The following ZNF212 variants were observed in gnomAD, a reference collection of about 807,000 sequenced individuals.
ZNF212 encodes zinc finger protein 212.
A neutral mutation model predicts 47.3 loss-of-function variants in ZNF212; 32 were observed. That is an observed-to-expected ratio of 0.68 (90% CI 0.51 to 0.91). The LOEUF (loss-of-function observed/expected upper bound fraction) is 0.91. Ranked by LOEUF, ZNF212 falls within the 40% of genes least tolerant of loss-of-function variation. The pLI is 0.00. For synonymous variants in ZNF212, 242 were observed against 253.8 expected (o/e 0.95, Z 0.44); for missense variants, 555 against 622.8 (o/e 0.89, Z 1.16).
chr7:149,250,658 T>C (rs1563188961), intron 2 of ZNF212, 23 bp from the exon 3 acceptor site: 4 of 1,614,146 alleles, frequency 2.5e-6, no homozygotes, highest in Non-Finnish European at 3.4e-6. Flanking sequence ...GAAGCACTCA[T>C]GGTGTGCCAT....
At position 149,253,603 on chromosome 7, in the gene ZNF212, G is replaced by C; in HGVS notation, c.676G>C (p.Gly226Arg). 6.2e-7 allele frequency: 1 copy of C among 1,613,922 alleles called. No individual in the cohort carries two copies. Among genetic ancestry groups the C allele is most frequent in the Non-Finnish European group, 8.5e-7 (1 of 1,179,830 alleles). ...IKQELQYTQEGPADLPGEFSC... is the reference protein window; with the variant it reads ...IKQELQYTQERPADLPGEFSC... ...ACAGGAGCTACAGTATACACAGGAA[G>C]GCCCTGCGGATCTTCCTGGAGAGTT... Residue 226 changes from glycine (G) to arginine (R), a missense_variant, in exon 5 of 5, where the codon GGC (glycine) becomes CGC (arginine). By Grantham distance (125) the Gly-to-Arg change is moderately radical. Coordinates refer to ENST00000335870, the MANE Select transcript of ZNF212 (RefSeq NM_012256.4).
chr7:149,249,310 G>A (rs1047206605), intron 1 of ZNF212, among the ~76,000 whole-genome samples: 2 of 152,194 alleles, frequency 1.3e-5, no homozygotes, highest in African/African-American at 4.8e-5. Context: ...ATTAGGTCTT[G>A]TAGGTCCTGC....
intron 1 of ZNF212, among the ~76,000 whole-genome samples, chr7:149,247,945 T>C (rs1796700416): frequency 1.3e-5 from 2 of 152,186 alleles, no homozygotes; most frequent in Admixed American, 1.3e-4. Flanking sequence ...TTCAAGCTGC[T>C]TAAACTCATG....
At chr7:149,251,185 TTTTTTC>T in intron 3 of ZNF212, 1 of 261,880 alleles carries the variant, frequency 3.8e-6, no homozygotes. Context: ...TTTATCTTTT[TTTTTTC>T]TTTTTTTCTT....
chr7:149,244,320 A>AT (rs1474247724), intron 1 of ZNF212, among the ~76,000 whole-genome samples: 1 of 151,354 alleles, frequency 6.6e-6, no homozygotes, highest in Non-Finnish European at 1.5e-5. Context: ...TTTTATTTTT[A>AT]TTTTTTTTCT....
intron 1 of ZNF212, among the ~76,000 whole-genome samples, chr7:149,247,954 T>C (rs1796700475): frequency 6.6e-6 from 1 of 152,176 alleles, no homozygotes; most frequent in South Asian, 2.1e-4. Flanking sequence ...CTTAAACTCA[T>C]GGCAGAAAAT....
At chr7:149,242,632 C>T (rs1796610544) in intron 1 of ZNF212, among the ~76,000 whole-genome samples, 1 of 152,004 alleles carries the variant, frequency 6.6e-6, no homozygotes, top group Middle Eastern at 3.2e-3. Context: ...AAAATTTTCC[C>T]AAATAGAAAG....
chr7:149,255,595 G>GAAAAAA lies in ZNF212; in HGVS notation c.*1186_*1191dup, dbSNP rs907138380. 6.8e-6 allele frequency: 1 copy of GAAAAAA among 147,284 alleles called. No individual in the cohort carries two copies. The highest frequency in any genetic ancestry group is 2.5e-5 in the African/African-American group (1 of 39,798). 9.1% of individuals were successfully genotyped at this position (147,284 alleles called of 1,614,324 possible). On this transcript the variant is annotated 3_prime_UTR_variant, in exon 5 of 5. Coordinates refer to ENST00000335870, the MANE Select transcript of ZNF212 (RefSeq NM_012256.4). The stretch of plus-strand genomic sequence containing the variant: ...AGAATAAAACTTGCTACTAGCAAAA[G>GAAAAAA]AAAAAAAAAAAGTTCATACTGGATG...
rs1796557307 is a variant in ZNF212 at position 149,239,709 on chromosome 7, C to T, written c.-70C>T. On this transcript the variant is annotated 5_prime_UTR_variant, in exon 1 of 5. Coordinates refer to ENST00000335870, the MANE Select transcript of ZNF212 (RefSeq NM_012256.4). ...CGGCGGCTTCCAACAGGCTCTGGGG[C>T]GCCGAGCGGACAGGAACGCAGCACG... 1 of 1,276,344 alleles carries T rather than the reference C, an allele frequency of 7.8e-7. No homozygotes were observed. The highest frequency in any genetic ancestry group is 1.5e-5 in the African/African-American group (1 of 64,666). The allele number at this position is 1,276,344 out of a possible 1,614,324, so 79.1% of individuals were successfully genotyped here.
intron 1 of ZNF212, among the ~76,000 whole-genome samples, chr7:149,248,967 C>T (rs1796715176): frequency 6.6e-6 from 1 of 152,138 alleles, no homozygotes; most frequent in Non-Finnish European, 1.5e-5. Context: ...CGAGATATTT[C>T]CTCTAGTGTC....
chr7:149,252,112 T>C (rs566613615), intron 3 of ZNF212, among the ~76,000 whole-genome samples: 11 of 152,306 alleles, frequency 7.2e-5, no homozygotes, highest in East Asian at 5.8e-4. Context: ...TTAATAGATA[T>C]AAGTCTTTAT....
chr7:149,250,879 A>G, intron 3 of ZNF212, 72 bp downstream of exon 3: 2 of 1,592,250 alleles, frequency 1.3e-6, no homozygotes. Flanking sequence ...CCTGTAATTC[A>G]GACCACACCT....
intron 3 of ZNF212, among the ~76,000 whole-genome samples, chr7:149,251,941 T>TA (rs36067111): frequency 0.083 from 9,072 of 109,440 alleles, 523 homozygotes; most frequent in African/African-American, 0.16. Context: ...CTCTGTTGCT[T>TA]AAAAAAAAAA....
At chr7:149,245,533 A>G (rs1796664004) in intron 1 of ZNF212, among the ~76,000 whole-genome samples, 3 of 151,868 alleles carry the variant, frequency 2.0e-5, no homozygotes, top group African/African-American at 7.3e-5. Context: ...TTTATTTGAG[A>G]CAGAATCTCT....
chr7:149,245,749 C>T (rs1309770541), intron 1 of ZNF212, among the ~76,000 whole-genome samples: 1 of 152,154 alleles, frequency 6.6e-6, no homozygotes, highest in Non-Finnish European at 1.5e-5. Flanking sequence ...TCAAGCTGTC[C>T]TCCCGCCTCA....
chr7:149,249,554 A>T (rs1002242959), intron 1 of ZNF212, among the ~76,000 whole-genome samples: 1 of 152,080 alleles, frequency 6.6e-6, no homozygotes. Flanking sequence ...CTATAATTTC[A>T]CTTTTGTTGA....
intron 1 of ZNF212, among the ~76,000 whole-genome samples, chr7:149,249,363 CA>C (rs1188009844): frequency 6.6e-6 from 1 of 152,086 alleles, no homozygotes; most frequent in Non-Finnish European, 1.5e-5. Context: ...TGAAAGTTTT[CA>C]AACGGGTGAC....
rs1796746578 is a variant in ZNF212 at position 149,250,947 on chromosome 7, T to G, written c.541+140T>G. The G allele has an allele frequency of 3.5e-6, 4 of 1,128,292 alleles. No homozygotes were observed. The South Asian group carries it at 6.2e-5, about 18-fold the overall frequency. 69.9% of individuals were successfully genotyped at this position (1,128,292 alleles called of 1,614,324 possible). A position where few individuals can be genotyped will look rare whatever the true frequency, so the allele number is the denominator to read the frequency against. On this transcript the variant is annotated intron_variant, in intron 3 of 4. Transcript: ENST00000335870. ...CTGCACGGGCAGAGAAATGCCAGTC[T>G]CTAGGTCCTCCCATTTACAGACCTG...
At chr7:149,251,128 CTATAGTGTGA>C in intron 3 of ZNF212, 1 of 278,716 alleles carries the variant, frequency 3.6e-6, no homozygotes, top group Non-Finnish European at 6.8e-6. Flanking sequence ...GTCATATACC[CTATAGTGTGA>C]TATGGCTAGG....
Sources: gnomAD v4.1 joint callset for allele counts (sites outside exome capture counted in the v4.1 genomes callset) on GRCh38, gnomAD v4.1.1 for gene constraint, MANE v1.5 for transcripts, NCBI Gene and HGNC (gene_info 2026-07-23, HGNC 2026-07-21) for gene names.